UBE2E1: variants seen among roughly 807,000 people sequenced by gnomAD.
UBE2E1 encodes the protein ubiquitin-conjugating enzyme E2 E1.
A neutral mutation model predicts 21.4 loss-of-function variants in UBE2E1; 6 were observed. The observed-to-expected ratio is 0.28, with a 90% CI of 0.15 to 0.55. UBE2E1 has a LOEUF of 0.55. Among genes scored for constraint, UBE2E1 ranks in the 20% least tolerant of loss-of-function variants. The pLI is 0.93. For synonymous variants in UBE2E1, 87 were observed against 82.7 expected, an observed-to-expected ratio of 1.05 and a Z score of -0.28; for missense variants, 142 against 236.5, an observed-to-expected ratio of 0.60 and a Z score of 2.62.
At chr3:23,852,785 TG>T (rs1232746248) in intron 3 of UBE2E1, among the ~76,000 whole-genome samples, 1 of 151,998 alleles carries the variant, frequency 6.6e-6, no homozygotes, top group South Asian at 2.1e-4. Context: ...TTTGTATTTT[TG>T]TAGAGCAGGG....
chr3:23,887,917 A>C lies in UBE2E1; in HGVS notation c.336+218A>C, dbSNP rs1438186555. 1 of 569,682 alleles carries C rather than the reference A, an allele frequency of 1.8e-6. No homozygotes were observed. The highest frequency in any genetic ancestry group is 3.0e-6 in the Non-Finnish European group (1 of 332,942). 35.3% of individuals were successfully genotyped at this position (569,682 alleles called of 1,614,324 possible). On this transcript the variant is annotated intron_variant, in intron 4 of 5. Coordinates refer to ENST00000306627, the MANE Select transcript of UBE2E1 (RefSeq NM_003341.5). The surrounding 1 kb of genome is among the most constrained non-coding windows in gnomAD (Gnocchi z 4.4). ...AAGTGCTTTGTTTTGATGGTGCTTA[A>C]AATTGTGCTATTTATAGTAATATTG...
At chr3:23,832,259 A>G (rs1281961177) in intron 3 of UBE2E1, among the ~76,000 whole-genome samples, 1 of 152,226 alleles carries the variant, frequency 6.6e-6, no homozygotes, top group African/African-American at 2.4e-5. Flanking sequence ...TTGGACACAA[A>G]TAGTTGACCT....
chr3:23,877,542 C>G (rs1007568367), intron 3 of UBE2E1, among the ~76,000 whole-genome samples: 6 of 152,180 alleles, frequency 3.9e-5, no homozygotes, highest in Admixed American at 3.3e-4. Flanking sequence ...GCACCTCCCT[C>G]CCGTTTGTGG....
intron 3 of UBE2E1, among the ~76,000 whole-genome samples, chr3:23,838,542 C>T (rs1283823172): frequency 2.0e-5 from 3 of 151,868 alleles, no homozygotes; most frequent in East Asian, 1.9e-4. Flanking sequence ...TCACCCAGGC[C>T]GGAGTGCAGT....
chr3:23,829,324 CTTTT>C (rs34404748), intron 3 of UBE2E1, among the ~76,000 whole-genome samples: 1 of 142,868 alleles, frequency 7.0e-6, no homozygotes, highest in African/African-American at 2.6e-5. Context: ...CAAAGTCCAG[CTTTT>C]TTTTTTTTTT....
chr3:23,824,600 C>G (rs560871206), intron 3 of UBE2E1, among the ~76,000 whole-genome samples: 1 of 152,186 alleles, frequency 6.6e-6, no homozygotes, highest in Admixed American at 6.5e-5. Context: ...TCTTCAAGCC[C>G]CTCAAGGAGC....
At position 23,842,225 on chromosome 3, in the gene UBE2E1, GT is replaced by G. The variant is rs1700103352; in HGVS notation, c.203+30716del. ...TGTGTGTGTGTGTGTGTGTGTGTGTGTGTGTGTGTGTGTGTGTGTGTGTGGT... is the reference window on the plus strand; with the variant it reads ...TGTGTGTGTGTGTGTGTGTGTGTGTGGTGTGTGTGTGTGTGTGTGTGTGGT... On this transcript the variant is annotated intron_variant, in intron 3 of 5. Coordinates refer to ENST00000306627, the MANE Select transcript of UBE2E1 (RefSeq NM_003341.5). The surrounding 1 kb of genome is among the most constrained non-coding windows in gnomAD (Gnocchi z 4.6). Among the ~76,000 whole-genome samples the G allele has an allele frequency of 1.8e-4, 15 of 84,514 alleles. No homozygotes were observed. Among genetic ancestry groups the G allele is most frequent in the South Asian group, 1.8e-3 (4 of 2,278 alleles). 55.4% of individuals were successfully genotyped at this position (84,514 alleles called of 152,430 possible).
chr3:23,812,398 C>G (rs1398768232), intron 3 of UBE2E1, among the ~76,000 whole-genome samples: 1 of 152,176 alleles, frequency 6.6e-6, no homozygotes, highest in Non-Finnish European at 1.5e-5. Context: ...GTAGAAGTTA[C>G]TGACAAAGTA....
At chr3:23,849,719 G>A (rs1332258200) in intron 3 of UBE2E1, among the ~76,000 whole-genome samples, 3 of 152,128 alleles carry the variant, frequency 2.0e-5, no homozygotes, top group Non-Finnish European at 4.4e-5. Context: ...AGTATTCCAT[G>A]GTGTATATGT....
In UBE2E1 at chr3:23,816,168, C is replaced by T. The variant is rs539362637; in HGVS notation, c.203+4658C>T. ...TCCTCAGAAAGCTAAACAGAATTACCGTATGACCCAGTAATTTTACTGCTA... is the reference window on the plus strand; with the variant it reads ...TCCTCAGAAAGCTAAACAGAATTACTGTATGACCCAGTAATTTTACTGCTA... On this transcript the variant is annotated intron_variant, in intron 3 of 5. Coordinates refer to ENST00000306627, the MANE Select transcript of UBE2E1 (RefSeq NM_003341.5). The surrounding 1 kb of genome is among the most constrained non-coding windows in gnomAD (Gnocchi z 4.8). 1.8e-3 allele frequency among the ~76,000 whole-genome samples: 273 copies of T among 152,166 alleles called. 1 individual carries two copies. The highest frequency in any genetic ancestry group is 6.1e-3 in the African/African-American group (252 of 41,516).
At chr3:23,888,303 T>C in intron 4 of UBE2E1, 1 of 456,700 alleles carries the variant, frequency 2.2e-6, no homozygotes, top group South Asian at 1.5e-5. Context: ...ACTCAATCTA[T>C]GATTCTCATT....
At chr3:23,868,598 T>C (rs142599161) in intron 3 of UBE2E1, among the ~76,000 whole-genome samples, 1 of 152,208 alleles carries the variant, frequency 6.6e-6, no homozygotes, top group African/African-American at 2.4e-5. Flanking sequence ...TGAGTCACCA[T>C]GCCTGGCCAC....
intron 3 of UBE2E1, among the ~76,000 whole-genome samples, chr3:23,854,937 C>T (rs556872591): frequency 1.2e-4 from 18 of 152,288 alleles, no homozygotes; most frequent in African/African-American, 3.6e-4. Context: ...CATATAGAGG[C>T]TTCAAAAGGC....
chr3:23,883,228 A>G (rs1225295292), intron 3 of UBE2E1, among the ~76,000 whole-genome samples: 3 of 152,212 alleles, frequency 2.0e-5, no homozygotes, highest in African/African-American at 7.2e-5. Context: ...TTAAAGTTGT[A>G]TTTCTTGTTG....
rs527562769 is a variant in UBE2E1 at position 23,832,240 on chromosome 3, G to A, written c.203+20730G>A. ...GAATTCAGTTTCTGATCATTGTCCA[G>A]GGAATGGCTTGGACACAAATAGTTG... On this transcript the variant is annotated intron_variant, in intron 3 of 5. Coordinates refer to ENST00000306627, the MANE Select transcript of UBE2E1 (RefSeq NM_003341.5). 4.6e-5 allele frequency among the ~76,000 whole-genome samples: 7 copies of A among 152,328 alleles called. No individual in the cohort carries two copies. In the East Asian group the frequency reaches 1.2e-3, roughly 25 times the overall value.
chr3:23,878,396 T>C (rs528020461), intron 3 of UBE2E1, among the ~76,000 whole-genome samples: 1 of 152,314 alleles, frequency 6.6e-6, no homozygotes, highest in Admixed American at 6.5e-5. Flanking sequence ...TTTTCTTCTT[T>C]TAATTATTAT....
chr3:23,854,768 C>T (rs1018568057), intron 3 of UBE2E1, among the ~76,000 whole-genome samples: 5 of 152,122 alleles, frequency 3.3e-5, no homozygotes, highest in Non-Finnish European at 7.4e-5. Flanking sequence ...CTGTTAAATA[C>T]GTAGGATTAT....
chr3:23,832,122 G>A (rs1371352060), intron 3 of UBE2E1, among the ~76,000 whole-genome samples: 2 of 152,206 alleles, frequency 1.3e-5, no homozygotes, highest in Non-Finnish European at 2.9e-5. Context: ...CAGCCATCTA[G>A]CACAGGGTTT....
At chr3:23,868,649 T>C (rs1384711397) in intron 3 of UBE2E1, among the ~76,000 whole-genome samples, 1 of 152,058 alleles carries the variant, frequency 6.6e-6, no homozygotes, top group African/African-American at 2.4e-5. Flanking sequence ...CATTAATAGG[T>C]AGATTAGATT....
Sources: gnomAD v4.1 joint callset for allele counts (sites outside exome capture counted in the v4.1 genomes callset) on GRCh38, gnomAD v4.1.1 for gene constraint, Gnocchi (gnomAD v3.1) non-coding constraint, MANE v1.5 for transcripts, NCBI Gene and HGNC (gene_info 2026-07-23, HGNC 2026-07-21) for gene names.